SLC35F3: variants seen among roughly 807,000 people sequenced by gnomAD.
The protein encoded by SLC35F3 is solute carrier family 35 member F3.
SLC35F3 carries 25 observed loss-of-function variants against 49.9 expected under a neutral mutation model. The observed-to-expected ratio is 0.50, with a 90% CI of 0.37 to 0.70. The LOEUF (loss-of-function observed/expected upper bound fraction) is 0.70, where lower values mean the gene tolerates loss of function less well. Ranked by LOEUF, SLC35F3 falls within the 30% of genes least tolerant of loss-of-function variation. The pLI is 0.00. For synonymous variants in SLC35F3, 275 were observed against 265.4 expected (o/e 1.04, Z -0.35); for missense variants, 525 against 639.8 (o/e 0.82, Z 1.94).
intron 3 of SLC35F3, among the ~76,000 whole-genome samples, chr1:234,279,039 G>A (rs1668261852): frequency 6.6e-6 from 1 of 152,168 alleles, no homozygotes; most frequent in South Asian, 2.1e-4. Flanking sequence ...GCCCAAGGTG[G>A]TCCGAGCACA....
At chr1:234,228,003 A>G (rs1667314708) in intron 2 of SLC35F3, among the ~76,000 whole-genome samples, 1 of 152,204 alleles carries the variant, frequency 6.6e-6, no homozygotes, top group South Asian at 2.1e-4. Flanking sequence ...GTCACTCTAC[A>G]TTTATTCTTC....
chr1:234,316,815 A>C, intron 5 of SLC35F3, 88 bp downstream of exon 5: 1 of 1,466,872 alleles, frequency 6.8e-7, no homozygotes, highest in Non-Finnish European at 9.3e-7. Flanking sequence ...TTACTTTTCA[A>C]CAGCTTCTGA....
In SLC35F3 at chr1:233,957,527, A is replaced by G. The variant is rs934596364; in HGVS notation, c.283+51769A>G. On this transcript the variant is annotated intron_variant, in intron 2 of 7. Transcript: ENST00000366618. The surrounding 1 kb of genome is among the most constrained non-coding windows in gnomAD (Gnocchi z 4.0). ...ATCAAAATTTAGTGGCATAAATACA[A>G]TAACTGGCTGTGTGTGGTGGCTCGT... 2.0e-5 allele frequency among the ~76,000 whole-genome samples: 3 copies of G among 152,206 alleles called. No individual in the cohort carries two copies. The highest frequency in any genetic ancestry group is 4.4e-5 in the Non-Finnish European group (3 of 68,030).
chr1:233,980,615 G>A (rs1270546465), intron 2 of SLC35F3, among the ~76,000 whole-genome samples: 1 of 152,210 alleles, frequency 6.6e-6, no homozygotes, highest in African/African-American at 2.4e-5. Context: ...GGCACATCTC[G>A]GTCTTTAGTG....
intron 2 of SLC35F3, among the ~76,000 whole-genome samples, chr1:233,998,182 G>A (rs1444548267): frequency 6.6e-6 from 1 of 152,062 alleles, no homozygotes; most frequent in Non-Finnish European, 1.5e-5. Context: ...AGCAAATAAA[G>A]TCTGGTTCAA....
At chr1:234,228,221 G>T (rs144409342) in intron 2 of SLC35F3, among the ~76,000 whole-genome samples, 1 of 152,098 alleles carries the variant, frequency 6.6e-6, no homozygotes, top group Non-Finnish European at 1.5e-5. Flanking sequence ...GCCCCTCCAG[G>T]TCATGTGTAT....
chr1:233,942,893 A>G (rs1380163060), intron 2 of SLC35F3, among the ~76,000 whole-genome samples: 1 of 151,448 alleles, frequency 6.6e-6, no homozygotes, highest in African/African-American at 2.4e-5. Context: ...CCACCATTCT[A>G]CTCTCTGCTT....
intron 2 of SLC35F3, among the ~76,000 whole-genome samples, chr1:234,135,234 A>G (rs6702597): frequency 0.12 from 18,855 of 152,228 alleles, 2,554 homozygotes; most frequent in East Asian, 0.75. Flanking sequence ...GTGAATGATT[A>G]GTAGCACAAA....
rs1398945211 is a variant in SLC35F3, at chr1:233,904,987, A to G, written c.-91A>G. 7.1e-7 allele frequency: 1 copy of G among 1,418,032 alleles called. No homozygotes were observed. Among genetic ancestry groups the G allele is most frequent in the Non-Finnish European group, 9.7e-7 (1 of 1,035,324 alleles). The allele number at this position is 1,418,032 out of a possible 1,614,324, so 87.8% of individuals were successfully genotyped here. A position where few individuals can be genotyped will look rare whatever the true frequency, so the allele number is the denominator to read the frequency against. ...AGACCCTCGGTGGGCAGCGCACTCC[A>G]GTCTTCCCAGGCTAGCGGCTGCAGG... On this transcript the variant is annotated 5_prime_UTR_variant, in exon 1 of 8. Transcript: ENST00000366618.
At chr1:234,011,881 A>G (rs762930566) in intron 2 of SLC35F3, among the ~76,000 whole-genome samples, 3 of 152,162 alleles carry the variant, frequency 2.0e-5, no homozygotes, top group Non-Finnish European at 4.4e-5. Flanking sequence ...GAGAAAAGAA[A>G]TAAGACACAG....
intron 3 of SLC35F3, among the ~76,000 whole-genome samples, chr1:234,274,001 T>G (rs1306765488): frequency 2.0e-5 from 3 of 152,092 alleles, no homozygotes; most frequent in Non-Finnish European, 4.4e-5. Flanking sequence ...AAAAAAACCA[T>G]CACATGCATT....
intron 2 of SLC35F3, among the ~76,000 whole-genome samples, chr1:234,108,728 T>A (rs1373894405): frequency 1.1e-4 from 5 of 46,892 alleles, no homozygotes; most frequent in Admixed American, 8.5e-4. Context: ...TATATATAAA[T>A]ATATATATCT....
At chr1:234,111,952 C>T (rs1176267604) in intron 2 of SLC35F3, among the ~76,000 whole-genome samples, 1 of 152,182 alleles carries the variant, frequency 6.6e-6, no homozygotes, top group African/African-American at 2.4e-5. Context: ...CTGAGAATAG[C>T]TCATCCTCCG....
At chr1:234,060,242 T>C (rs1664520840) in intron 2 of SLC35F3, among the ~76,000 whole-genome samples, 1 of 152,196 alleles carries the variant, frequency 6.6e-6, no homozygotes, top group Non-Finnish European at 1.5e-5. Context: ...TAGATGTCTG[T>C]TAGGTCTAGC....
At chr1:234,188,004 G>A (rs1666671947) in intron 2 of SLC35F3, among the ~76,000 whole-genome samples, 1 of 152,166 alleles carries the variant, frequency 6.6e-6, no homozygotes, top group Non-Finnish European at 1.5e-5. Context: ...TTGGGAGGCC[G>A]AGGCGGGCGG....
intron 3 of SLC35F3, among the ~76,000 whole-genome samples, chr1:234,282,278 A>G (rs377708419): frequency 6.6e-6 from 1 of 152,304 alleles, no homozygotes; most frequent in African/African-American, 2.4e-5. Flanking sequence ...TCCAGTGCTT[A>G]TCTGATCTAC....
At chr1:233,970,584 G>A (rs753884545) in intron 2 of SLC35F3, among the ~76,000 whole-genome samples, 4 of 152,156 alleles carry the variant, frequency 2.6e-5, no homozygotes, top group African/African-American at 4.8e-5. Context: ...TAGTATCTCC[G>A]AACATGGCTA....
intron 2 of SLC35F3, among the ~76,000 whole-genome samples, chr1:234,186,606 G>A (rs1370889262): frequency 6.6e-6 from 1 of 152,206 alleles, no homozygotes; most frequent in Non-Finnish European, 1.5e-5. Flanking sequence ...GGTAGGTGGA[G>A]AGGGAGCACA....
intron 2 of SLC35F3, among the ~76,000 whole-genome samples, chr1:233,953,367 C>G (rs745309807): frequency 2.0e-5 from 3 of 152,194 alleles, no homozygotes; most frequent in Non-Finnish European, 4.4e-5. Flanking sequence ...GCTGGGAATT[C>G]ACTGAGGTTT....
Sources: gnomAD v4.1 joint callset for allele counts (sites outside exome capture counted in the v4.1 genomes callset) on GRCh38, gnomAD v4.1.1 for gene constraint, Gnocchi (gnomAD v3.1) non-coding constraint, MANE v1.5 for transcripts, NCBI Gene and HGNC (gene_info 2026-07-23, HGNC 2026-07-21) for gene names.